CTNNA2: variants seen among roughly 807,000 people sequenced by gnomAD.
CTNNA2 encodes the protein catenin alpha 2.
CTNNA2 carries 42 observed loss-of-function variants against 101.0 expected under a neutral mutation model. That is an observed-to-expected ratio of 0.42 (90% CI 0.32 to 0.54). CTNNA2 has a LOEUF of 0.54. Among genes scored for constraint, CTNNA2 ranks in the 20% least tolerant of loss-of-function variants. CTNNA2 has a pLI of 0.14. For missense variants in CTNNA2, 871 were observed against 1,223.1 expected (o/e 0.71, Z 4.29); for synonymous variants, 450 against 456.4 (o/e 0.99, Z 0.18).
chr2:80,478,007 A>T (rs1374697315), intron 9 of CTNNA2, among the ~76,000 whole-genome samples: 1 of 152,090 alleles, frequency 6.6e-6, no homozygotes, highest in Non-Finnish European at 1.5e-5. Context: ...TTACTTTCTC[A>T]TCAACAGTGT....
intron 7 of CTNNA2, among the ~76,000 whole-genome samples, chr2:79,989,291 T>C (rs1691996315): frequency 6.6e-6 from 1 of 152,186 alleles, no homozygotes; most frequent in Non-Finnish European, 1.5e-5. Flanking sequence ...GGCTTTGAGA[T>C]AGAAGCACTT....
rs144629370 is a variant in CTNNA2 at position 79,485,233 on chromosome 2, A to G, written c.-134-19821A>G. ...CTTTTATACTAAGTAAAAAAAAAATACAATTTTTCTTTAATTTAAACAAAT... is the reference window on the plus strand; with the variant it reads ...CTTTTATACTAAGTAAAAAAAAAATGCAATTTTTCTTTAATTTAAACAAAT... On this transcript the variant is annotated intron_variant, in intron 4 of 21. Transcript: ENST00000466387. Among the ~76,000 whole-genome samples, 388 of 152,222 alleles carry G rather than the reference A, an allele frequency of 2.5e-3. 2 individuals are homozygous for G. Among genetic ancestry groups the G allele is most frequent in the African/African-American group, 8.9e-3 (368 of 41,556 alleles).
rs111293817 is a variant in CTNNA2 at position 79,493,436 on chromosome 2, T to C, written c.-134-11618T>C. ...TTCGAGACCAGCCTGGCCAATATGG[T>C]GAAACCCCATCTCTACTAAAAATAC... On this transcript the variant is annotated intron_variant, in intron 4 of 21. Transcript: ENST00000466387. Among the ~76,000 whole-genome samples the C allele has an allele frequency of 8.5e-5, 13 of 152,184 alleles. 1 individual carries two copies. Among genetic ancestry groups the C allele is most frequent in the African/African-American group, 3.1e-4 (13 of 41,516 alleles).
At chr2:79,851,895 C>T (rs908008483) in intron 3 of CTNNA2, among the ~76,000 whole-genome samples, 41 of 152,016 alleles carry the variant, frequency 2.7e-4, no homozygotes, top group African/African-American at 9.9e-4. Context: ...GTGCCCACCA[C>T]CACAACTGGC....
intron 7 of CTNNA2, among the ~76,000 whole-genome samples, chr2:80,335,320 C>A (rs1433080605): frequency 6.6e-6 from 1 of 152,148 alleles, no homozygotes; most frequent in Non-Finnish European, 1.5e-5. Context: ...GTCAAATGAT[C>A]ATCTCATAAT....
intron 7 of CTNNA2, among the ~76,000 whole-genome samples, chr2:79,954,045 C>G (rs1689057084): frequency 6.6e-6 from 1 of 152,140 alleles, no homozygotes; most frequent in South Asian, 2.1e-4. Flanking sequence ...TTCTGCATGG[C>G]TGAAGAGGCC....
chr2:80,529,949 T>C (rs1306595091), intron 9 of CTNNA2, among the ~76,000 whole-genome samples: 1 of 152,074 alleles, frequency 6.6e-6, no homozygotes, highest in Non-Finnish European at 1.5e-5. Context: ...CTACGGGTGT[T>C]GGTTACAAGC....
At chr2:79,673,764 C>CTT (rs1683006445) in intron 2 of CTNNA2, among the ~76,000 whole-genome samples, 1 of 151,970 alleles carries the variant, frequency 6.6e-6, no homozygotes, top group Admixed American at 6.6e-5. Flanking sequence ...TTCTATGATC[C>CTT]TTTTTGTGTG....
intron 7 of CTNNA2, among the ~76,000 whole-genome samples, chr2:79,994,067 C>A (rs913780952): frequency 6.6e-6 from 1 of 151,960 alleles, no homozygotes; most frequent in African/African-American, 2.4e-5. Context: ...ACCACCACAC[C>A]TAGCTATTTT....
chr2:79,665,801 T>C (rs2104552669), intron 2 of CTNNA2, among the ~76,000 whole-genome samples: 1 of 152,348 alleles, frequency 6.6e-6, no homozygotes, highest in South Asian at 2.1e-4. Context: ...ACACTTTATT[T>C]TTTATTTTTA....
chr2:79,724,814 C>CAAAA (rs60016527), intron 2 of CTNNA2, among the ~76,000 whole-genome samples: 52 of 74,024 alleles, frequency 7.0e-4, no homozygotes, highest in South Asian at 1.5e-3. Context: ...GACTCCACCT[C>CAAAA]AAAAAAAAAA....
At chr2:79,820,291 A>G (rs542102071) in intron 3 of CTNNA2, among the ~76,000 whole-genome samples, 1 of 152,280 alleles carries the variant, frequency 6.6e-6, no homozygotes, top group African/African-American at 2.4e-5. Flanking sequence ...TTTGGCTCAT[A>G]CGTTATTGCA....
chr2:79,800,381 C>G (rs1676061140), intron 3 of CTNNA2, among the ~76,000 whole-genome samples: 1 of 152,126 alleles, frequency 6.6e-6, no homozygotes. Context: ...CACCTAGATT[C>G]AATTCTGATT....
At chr2:80,354,318 A>G (rs766259002) in intron 7 of CTNNA2, among the ~76,000 whole-genome samples, 4 of 152,158 alleles carry the variant, frequency 2.6e-5, no homozygotes, top group Non-Finnish European at 4.4e-5. Flanking sequence ...TATACTACAG[A>G]GGAGAGGAAG....
At chr2:80,536,325 C>A (rs964498632) in intron 9 of CTNNA2, among the ~76,000 whole-genome samples, 2 of 152,072 alleles carry the variant, frequency 1.3e-5, no homozygotes, top group African/African-American at 4.8e-5. Flanking sequence ...ACATGACTGA[C>A]TATAAATTCA....
chr2:80,122,793 C>T (rs541907608), intron 7 of CTNNA2, among the ~76,000 whole-genome samples: 53 of 152,016 alleles, frequency 3.5e-4, no homozygotes, highest in Admixed American at 9.8e-4. Flanking sequence ...CAGTCCCTGC[C>T]GTTGGGTGGC....
intron 1 of CTNNA2, among the ~76,000 whole-genome samples, chr2:79,584,751 C>T (rs1676371840): frequency 6.6e-6 from 1 of 152,060 alleles, no homozygotes; most frequent in Non-Finnish European, 1.5e-5. Flanking sequence ...AACTCCTGAC[C>T]TTAGGTGATC....
rs146737739 is a variant in CTNNA2, at chr2:80,642,125, G to A, written c.2575-5460G>A. Among the ~76,000 whole-genome samples, 777 of 152,080 alleles carry A rather than the reference G, an allele frequency of 5.1e-3. 2 individuals carry two copies. Among genetic ancestry groups the A allele is most frequent in the Middle Eastern group, 0.017 (5 of 294 alleles). ...GCACTTCAACATCCTTTATATTTCC[G>A]CAATCTAGGTTGAGAGCATTGATGT... On this transcript the variant is annotated intron_variant, in intron 18 of 18. Coordinates refer to ENST00000402739, the MANE Select transcript of CTNNA2 (RefSeq NM_001282597.3).
chr2:79,210,788 G>A (rs1462869712), intron 2 of CTNNA2, among the ~76,000 whole-genome samples: 1 of 152,088 alleles, frequency 6.6e-6, no homozygotes, highest in Non-Finnish European at 1.5e-5. Context: ...GACATGCAAT[G>A]TTTTTCCTAA....
Sources: gnomAD v4.1 joint callset for allele counts (sites outside exome capture counted in the v4.1 genomes callset) on GRCh38, gnomAD v4.1.1 for gene constraint, MANE v1.5 for transcripts, NCBI Gene and HGNC (gene_info 2026-07-23, HGNC 2026-07-21) for gene names.